The following PCDHGA8 variants were observed in gnomAD, a reference collection of about 807,000 sequenced individuals.
The protein encoded by PCDHGA8 is protocadherin gamma subfamily A, 8.
Under a neutral mutation model 59.2 loss-of-function variants are expected in PCDHGA8, and 45 were observed. That is an observed-to-expected ratio of 0.76 (90% CI 0.60 to 0.98). The LOEUF (loss-of-function observed/expected upper bound fraction) is 0.98. Among genes scored for constraint, PCDHGA8 ranks in the 50% least tolerant of loss-of-function variants. PCDHGA8 has a pLI of 0.00. For missense variants in PCDHGA8, 1,257 were observed against 1,196.2 expected (o/e 1.05, Z -0.75); for synonymous variants, 531 against 519.0 (o/e 1.02, Z -0.32).
In PCDHGA8 at chr5:141,395,547, TGTGTGTGTGTGTGTG is replaced by T. The variant is rs2093269943; in HGVS notation, c.2424+311_2424+325del. On this transcript the variant is annotated intron_variant, in intron 1 of 3. Coordinates refer to ENST00000398604, the MANE Select transcript of PCDHGA8 (RefSeq NM_032088.2). ...ACTGGTAATTTTGCTATTGTTTGTG[TGTGTGTGTGTGTGTG>T]TGTGTGTGTGTGTGTGTGTGTGTGT... 2.2e-3 allele frequency: 375 copies of T among 174,268 alleles called. 18 individuals carry two copies. The highest frequency in any genetic ancestry group is 5.2e-3 in the East Asian group (33 of 6,366). 10.8% of individuals were successfully genotyped at this position (174,268 alleles called of 1,614,324 possible). A position where few individuals can be genotyped will look rare whatever the true frequency, so the allele number is the denominator to read the frequency against.
Position 141,485,422 on chromosome 5 carries a change from C to G in PCDHGA8, c.2425-9385C>G, listed in dbSNP as rs775279056. 6.2e-7 allele frequency: 1 copy of G among 1,614,130 alleles called. No homozygotes were observed. Among genetic ancestry groups the G allele is most frequent in the East Asian group, 2.2e-5 (1 of 44,872 alleles). ...TCCGTGTGGATTTGGACAGCGGAGC[C>G]CTGCTCATCAAGAACCCAATCGACC... On this transcript the variant is annotated intron_variant, in intron 1 of 3. Transcript: ENST00000398604. The surrounding 1 kb of genome is among the most constrained non-coding windows in gnomAD (Gnocchi z 5.7).
chr5:141,433,939 A>T (rs1015984226), intron 1 of PCDHGA8, among the ~76,000 whole-genome samples: 2 of 151,714 alleles, frequency 1.3e-5, no homozygotes, highest in Non-Finnish European at 2.9e-5. Context: ...TTATAATTCC[A>T]TTGTTTCTTC....
At chr5:141,395,447 G>T in intron 1 of PCDHGA8, 1 of 645,040 alleles carries the variant, frequency 1.6e-6, no homozygotes, top group South Asian at 2.4e-5. Context: ...GGAAAAGATT[G>T]TTCAACCATT....
chr5:141,438,635 TACACAC>T (rs56854727), intron 1 of PCDHGA8, among the ~76,000 whole-genome samples: 557 of 33,182 alleles, frequency 0.017, 8 homozygotes, highest in South Asian at 0.028. Flanking sequence ...TATATATATA[TACACAC>T]ACACACACAC....
At chr5:141,457,550 A>G (rs1331411755) in intron 1 of PCDHGA8, among the ~76,000 whole-genome samples, 1 of 152,230 alleles carries the variant, frequency 6.6e-6, no homozygotes, top group Non-Finnish European at 1.5e-5. Flanking sequence ...CAAATGTATG[A>G]TAAGCTTTGG....
chr5:141,409,613 A>G lies in PCDHGA8; in HGVS notation c.2424+14376A>G, dbSNP rs370495173. On this transcript the variant is annotated intron_variant, in intron 1 of 3. Coordinates refer to ENST00000398604, the MANE Select transcript of PCDHGA8 (RefSeq NM_032088.2). Reference sequence around the variant, plus strand: ...CGAGAACAACCCGCCAGGAGCCTCCATTGCGCAAGTGAGCGCCTCTGACCC... The same window carrying G: ...CGAGAACAACCCGCCAGGAGCCTCCGTTGCGCAAGTGAGCGCCTCTGACCC... The G allele has an allele frequency of 8.4e-5, 136 of 1,613,856 alleles. No individual in the cohort carries two copies. Among genetic ancestry groups the G allele is most frequent in the Middle Eastern group, 8.2e-4 (5 of 6,062 alleles).
At chr5:141,498,971 G>GGGAGGGAAGGAAGGAAGGAA (rs2099787588) in intron 2 of PCDHGA8, among the ~76,000 whole-genome samples, 11 of 111,048 alleles carry the variant, frequency 9.9e-5, no homozygotes, top group African/African-American at 3.2e-4. Context: ...GAGGGAGGGA[G>GGGAGGGAAGGAAGGAAGGAA]GGAAGGAAGG....
At chr5:141,435,172 T>G (rs1406204282) in intron 1 of PCDHGA8, among the ~76,000 whole-genome samples, 1 of 152,198 alleles carries the variant, frequency 6.6e-6, no homozygotes, top group Non-Finnish European at 1.5e-5. Context: ...GAGTGGCTTT[T>G]AACTACACTT....
At chr5:141,403,171 G>C (rs542727163) in intron 1 of PCDHGA8, 1 of 1,614,042 alleles carries the variant, frequency 6.2e-7, no homozygotes, top group Admixed American at 1.7e-5. Flanking sequence ...GTAGGACGCA[G>C]CTTTTCTCTC....
intron 1 of PCDHGA8, among the ~76,000 whole-genome samples, chr5:141,463,539 C>T (rs1408887405): frequency 6.7e-6 from 1 of 148,606 alleles, no homozygotes; most frequent in Admixed American, 6.8e-5. Context: ...AACTCCGGCT[C>T]CCGGGTTCAT....
chr5:141,489,268 G>C lies in PCDHGA8; in HGVS notation c.2425-5539G>C. 6.4e-7 allele frequency: 1 copy of C among 1,553,286 alleles called. No individual in the cohort carries two copies. The highest frequency in any genetic ancestry group is 8.7e-7 in the Non-Finnish European group (1 of 1,149,780). ...GGGGCCCAAGACACTCCCACAGCTC[G>C]CTGGGAAATGGCAAGTGCTGTGCAT... On this transcript the variant is annotated intron_variant, in intron 1 of 3. Transcript: ENST00000398604. The surrounding 1 kb of genome is among the most constrained non-coding windows in gnomAD (Gnocchi z 4.5).
chr5:141,465,429 A>G (rs1191638112), intron 1 of PCDHGA8, among the ~76,000 whole-genome samples: 2 of 152,316 alleles, frequency 1.3e-5, no homozygotes, highest in East Asian at 3.9e-4. Context: ...AAAGGTGGGC[A>G]CTTAATGATT....
intron 1 of PCDHGA8, among the ~76,000 whole-genome samples, chr5:141,457,745 G>T (rs1039982528): frequency 6.6e-6 from 1 of 152,232 alleles, no homozygotes; most frequent in Non-Finnish European, 1.5e-5. Flanking sequence ...TTTTAAAGCT[G>T]AGCCCAGACA....
Position 141,485,890 on chromosome 5 carries a change from C to G in PCDHGA8, c.2425-8917C>G. 4 of 1,614,156 alleles carry G rather than the reference C, an allele frequency of 2.5e-6. No individual in the cohort carries two copies. Among genetic ancestry groups the G allele is most frequent in the Non-Finnish European group, 2.5e-6 (3 of 1,180,022 alleles). The stretch of plus-strand genomic sequence containing the variant: ...CCGTGCTGGACGTAAACGACAACGC[C>G]CCAGCCTTCCAGCAATCCAGCTACA... On this transcript the variant is annotated intron_variant, in intron 1 of 3. Coordinates refer to ENST00000398604, the MANE Select transcript of PCDHGA8 (RefSeq NM_032088.2). The surrounding 1 kb of genome is among the most constrained non-coding windows in gnomAD (Gnocchi z 5.7).
At chr5:141,449,888 A>G (rs544369390) in intron 1 of PCDHGA8, among the ~76,000 whole-genome samples, 1 of 151,990 alleles carries the variant, frequency 6.6e-6, no homozygotes, top group Non-Finnish European at 1.5e-5. Flanking sequence ...ATGCAATATA[A>G]TTATTTAGCC....
intron 1 of PCDHGA8, chr5:141,411,396 C>G (rs985023346): frequency 2.1e-5 from 3 of 145,420 alleles, no homozygotes; most frequent in African/African-American, 5.1e-5. Context: ...ATAGGGAGAC[C>G]CCCCATCTCT....
chr5:141,429,390 A>T (rs556289214), intron 1 of PCDHGA8, among the ~76,000 whole-genome samples: 3,394 of 150,296 alleles, frequency 0.023, 54 homozygotes, highest in South Asian at 0.043. Context: ...TTTTTTTTAA[A>T]AAAAATTGAG....
chr5:141,405,568 T>C, intron 1 of PCDHGA8: 1 of 606,666 alleles, frequency 1.6e-6, no homozygotes, highest in South Asian at 2.1e-5. Context: ...GGGACTAGAG[T>C]AGAGTAGCTG....
chr5:141,400,144 G>A, intron 1 of PCDHGA8: 1 of 1,614,068 alleles, frequency 6.2e-7, no homozygotes, highest in Non-Finnish European at 8.5e-7. Context: ...GGATATCACT[G>A]ACCGCCCTGT....
Sources: gnomAD v4.1 joint callset for allele counts (sites outside exome capture counted in the v4.1 genomes callset) on GRCh38, gnomAD v4.1.1 for gene constraint, Gnocchi (gnomAD v3.1) non-coding constraint, MANE v1.5 for transcripts, NCBI Gene and HGNC (gene_info 2026-07-23, HGNC 2026-07-21) for gene names.